BICD1: variants seen among roughly 807,000 people sequenced by gnomAD.
The protein encoded by BICD1 is protein bicaudal D homolog 1.
A neutral mutation model predicts 92.5 loss-of-function variants in BICD1; 35 were observed. The observed-to-expected ratio is 0.38, with a 90% CI of 0.29 to 0.50. The LOEUF is 0.50. BICD1 is among the 20% of genes least tolerant of loss of function. BICD1 has a pLI of 0.93. For missense variants in BICD1, 950 were observed against 1,189.8 expected, an observed-to-expected ratio of 0.80 and a Z score of 2.97; for synonymous variants, 429 against 465.1, an observed-to-expected ratio of 0.92 and a Z score of 1.00.
At chr12:32,299,817 G>A (rs1335566207) in intron 3 of BICD1, among the ~76,000 whole-genome samples, 1 of 152,186 alleles carries the variant, frequency 6.6e-6, no homozygotes. Context: ...GGGTCTTACA[G>A]GAAGTCTAGG....
chr12:32,204,919 G>A (rs1001076599), intron 1 of BICD1, among the ~76,000 whole-genome samples: 1 of 152,100 alleles, frequency 6.6e-6, no homozygotes, highest in Admixed American at 6.5e-5. Flanking sequence ...TCTATTATGC[G>A]AAGCTGGATT....
At chr12:32,201,696 A>G (rs1944910412) in intron 1 of BICD1, among the ~76,000 whole-genome samples, 1 of 151,988 alleles carries the variant, frequency 6.6e-6, no homozygotes, top group Non-Finnish European at 1.5e-5. Flanking sequence ...AAAAAAGTTT[A>G]AATAAAAATT....
At position 32,229,742 on chromosome 12, in the gene BICD1, G is replaced by A. The variant is rs1347117781; in HGVS notation, c.426+13283G>A. ...TTTGCAAATAGGACCAAAGAAATGA[G>A]GAGGTAGCTAGGGGACGAGATGGGC... On this transcript the variant is annotated intron_variant, in intron 2 of 9. Transcript: ENST00000652176. Among the ~76,000 whole-genome samples, 3 of 152,158 alleles carry A rather than the reference G, an allele frequency of 2.0e-5. No individual in the cohort carries two copies. In the East Asian group the frequency reaches 5.8e-4, roughly 29 times the overall value.
chr12:32,243,796 A>G (rs1946299986), intron 2 of BICD1, among the ~76,000 whole-genome samples: 1 of 152,148 alleles, frequency 6.6e-6, no homozygotes, highest in Admixed American at 6.6e-5. Flanking sequence ...TCTCAAAACT[A>G]TAAAAATATA....
At chr12:32,339,929 A>G in intron 8 of BICD1, 1 of 846,166 alleles carries the variant, frequency 1.2e-6, no homozygotes. Flanking sequence ...CACGCATGTC[A>G]ACACCTGTTG....
At chr12:32,206,685 C>G (rs4372543) in intron 1 of BICD1, among the ~76,000 whole-genome samples, 51,734 of 152,084 alleles carry the variant, frequency 0.34, 9,094 homozygotes, top group South Asian at 0.54. Flanking sequence ...AAATGCCCAA[C>G]AGTGTTCACA....
rs1938171633 is a variant in BICD1 at position 32,337,289 on chromosome 12, AT to A, written c.2253-204del. On this transcript the variant is annotated intron_variant, in intron 6 of 9. Coordinates refer to ENST00000652176, the MANE Select transcript of BICD1 (RefSeq NM_001714.4). This position sits in a 1 kb window ranked among gnomAD's most constrained non-coding sequence, Gnocchi z 4.7. ...AACAACAACAACAAAATAATAATAA[AT>A]TTTTTAAAAATGTCCCATATATCTC... is the stretch of plus-strand genomic sequence containing the variant. Among the ~76,000 whole-genome samples, 1 of 152,224 alleles carries A rather than the reference AT, an allele frequency of 6.6e-6. No homozygotes were observed. Among genetic ancestry groups the A allele is most frequent in the East Asian group, 1.9e-4 (1 of 5,186 alleles).
intron 8 of BICD1, among the ~76,000 whole-genome samples, chr12:32,364,870 GA>G (rs1939466516): frequency 6.6e-6 from 1 of 152,134 alleles, no homozygotes; most frequent in Non-Finnish European, 1.5e-5. Context: ...AGGATCACTT[GA>G]GCCCAGGCGT....
chr12:32,171,578 A>G (rs1305164565), intron 1 of BICD1, among the ~76,000 whole-genome samples: 1 of 152,146 alleles, frequency 6.6e-6, no homozygotes. Flanking sequence ...CAGTCCTGCT[A>G]TGACTGAGAT....
chr12:32,369,728 G>A (rs1034511957), intron 9 of BICD1, among the ~76,000 whole-genome samples: 6 of 148,624 alleles, frequency 4.0e-5, no homozygotes, highest in African/African-American at 1.0e-4. Context: ...CTCCACCCCC[G>A]ACCTCTACCA....
intron 2 of BICD1, among the ~76,000 whole-genome samples, chr12:32,220,066 T>TCCTTACA (rs2121561283): frequency 6.6e-6 from 1 of 152,168 alleles, no homozygotes; most frequent in East Asian, 1.9e-4. Context: ...CTGGATCCCT[T>TCCTTACA]CCTTACACCT....
At chr12:32,285,340 T>A (rs548474768) in intron 2 of BICD1, among the ~76,000 whole-genome samples, 1 of 152,304 alleles carries the variant, frequency 6.6e-6, no homozygotes, top group South Asian at 2.1e-4. Flanking sequence ...TATCATGTAA[T>A]CTTAAGTATT....
intron 1 of BICD1, among the ~76,000 whole-genome samples, chr12:32,110,492 C>T (rs1293788961): frequency 6.6e-6 from 1 of 152,094 alleles, no homozygotes; most frequent in African/African-American, 2.4e-5. Context: ...GCAGTATGTC[C>T]ACTAGAATAC....
In BICD1 at chr12:32,383,370, A is replaced by T. The variant is rs919812597; in HGVS notation, c.*5743A>T. ...TTTATTTTAAATTCAAAAAATTCTT[A>T]TGAATTTATTATTGCTTGTACTTTA... On this transcript the variant is annotated 3_prime_UTR_variant, in exon 10 of 10. Coordinates refer to ENST00000652176, the MANE Select transcript of BICD1 (RefSeq NM_001714.4). 1.3e-5 allele frequency: 2 copies of T among 152,206 alleles called. No homozygotes were observed. Among genetic ancestry groups the T allele is most frequent in the Non-Finnish European group, 2.9e-5 (2 of 68,000 alleles). The allele number at this position is 152,206 out of a possible 1,614,324, so 9.4% of individuals were successfully genotyped here.
At chr12:32,227,348 G>C (rs1002945230) in intron 2 of BICD1, 1 of 152,366 alleles carries the variant, frequency 6.6e-6, no homozygotes. Flanking sequence ...CCAAGGGGAG[G>C]GGTAAGAATG....
In BICD1 at chr12:32,290,711, AAG is replaced by A. The variant is rs373294847; in HGVS notation, c.427-3280_427-3279del. Reference sequence around the variant, plus strand: ...TCTAAGTCCTTGGACTGCCTTTAGCAAGAGTCCTGTTAGGCCAGCTTAGCAAG... The same window carrying A: ...TCTAAGTCCTTGGACTGCCTTTAGCAAGTCCTGTTAGGCCAGCTTAGCAAG... On this transcript the variant is annotated intron_variant, in intron 2 of 9. Transcript: ENST00000652176. Among the ~76,000 whole-genome samples the A allele has an allele frequency of 5.5e-3, 834 of 152,342 alleles. 5 individuals carry two copies. The highest frequency in any genetic ancestry group is 0.019 in the African/African-American group (781 of 41,574).
intron 2 of BICD1, among the ~76,000 whole-genome samples, chr12:32,290,856 T>C (rs1385112193): frequency 1.3e-5 from 2 of 152,054 alleles, no homozygotes; most frequent in Non-Finnish European, 2.9e-5. Context: ...CCCCTTCTTT[T>C]CCCCCCTCCA....
At chr12:32,258,887 A>G (rs1281742377) in intron 2 of BICD1, among the ~76,000 whole-genome samples, 3 of 152,230 alleles carry the variant, frequency 2.0e-5, no homozygotes, top group African/African-American at 4.8e-5. Flanking sequence ...GCACAGCACC[A>G]CAGGGAGGGG....
chr12:32,200,370 T>C (rs1476061401), intron 1 of BICD1, among the ~76,000 whole-genome samples: 2 of 152,256 alleles, frequency 1.3e-5, no homozygotes, highest in Admixed American at 6.5e-5. Flanking sequence ...AGCTGGATGA[T>C]GGTTTGCTCT....
Sources: gnomAD v4.1 joint callset for allele counts (sites outside exome capture counted in the v4.1 genomes callset) on GRCh38, gnomAD v4.1.1 for gene constraint, Gnocchi (gnomAD v3.1) non-coding constraint, MANE v1.5 for transcripts, NCBI Gene and HGNC (gene_info 2026-07-23, HGNC 2026-07-21) for gene names.